Variants in PLCD1 observed in about 807,000 individuals in gnomAD.
PLCD1 encodes the protein 1-phosphatidylinositol 4,5-bisphosphate phosphodiesterase delta-1.
In PLCD1, 71 loss-of-function variants were observed where a neutral mutation model predicts 87.4. The ratio of observed to expected loss-of-function variants is 0.81; its 90% CI spans 0.67 to 0.99. The LOEUF (loss-of-function observed/expected upper bound fraction) is 0.99, where lower values mean the gene tolerates loss of function less well. Ranked by LOEUF, PLCD1 falls within the 50% of genes least tolerant of loss-of-function variation. The pLI is 0.00. For missense variants in PLCD1, 867 were observed against 1,001.5 expected (o/e 0.87, Z 1.81); for synonymous variants, 348 against 399.2 (o/e 0.87, Z 1.53).
intron 8 of PLCD1, 39 bp from the exon 9 acceptor site, chr3:38,009,850 G>T (rs781422366): frequency 3.1e-6 from 5 of 1,610,588 alleles, no homozygotes; most frequent in South Asian, 2.2e-5. Flanking sequence ...CACACCTAGC[G>T]CCCCGGCTAG....
At chr3:38,012,654 T>C (rs1162396163) in intron 3 of PLCD1, among the ~76,000 whole-genome samples, 1 of 151,798 alleles carries the variant, frequency 6.6e-6, no homozygotes, top group Non-Finnish European at 1.5e-5. Flanking sequence ...GGAGCTGGGA[T>C]TACAGGCGTA....
At chr3:38,022,904 C>T (rs945669818) in intron 1 of PLCD1, among the ~76,000 whole-genome samples, 9 of 151,734 alleles carry the variant, frequency 5.9e-5, no homozygotes, top group Non-Finnish European at 1.2e-4. Flanking sequence ...AAAGTAATCA[C>T]GGTTTTTGCT....
chr3:38,012,915 G>GT (rs1700103349), intron 3 of PLCD1, among the ~76,000 whole-genome samples: 1 of 150,322 alleles, frequency 6.7e-6, no homozygotes. Flanking sequence ...TATTTATTTG[G>GT]TTTTTTGAGA....
chr3:38,008,519 G>A lies in PLCD1; in HGVS notation c.1841C>T (p.Thr614Ile), dbSNP rs150434289. 4 of 1,614,204 alleles carry A rather than the reference G, an allele frequency of 2.5e-6. No individual in the cohort carries two copies. Among genetic ancestry groups the A allele is most frequent in the Non-Finnish European group, 3.4e-6 (4 of 1,180,024 alleles). The change falls in exon 12 of 15, where the codon ACC (threonine) becomes ATC (isoleucine). Residue 614 changes from threonine to isoleucine, a missense_variant. Coordinates refer to ENST00000334661, the MANE Select transcript of PLCD1 (RefSeq NM_006225.4). ...CTGAGCCAGGGCGCGGGGGTTAAAG[G>A]TGCCGTTGGGGTCTCGCAGGAAGGC... Reference protein sequence around the residue: ...KPAFLRDPNGTFNPRALAQGP... With the variant: ...KPAFLRDPNGIFNPRALAQGP...
Position 38,016,518 on chromosome 3 carries a change from G to C in PLCD1, c.401C>G (p.Ser134Cys). The C allele has an allele frequency of 1.2e-6, 2 of 1,613,814 alleles. No homozygotes were observed. Among genetic ancestry groups the C allele is most frequent in the Non-Finnish European group, 1.7e-6 (2 of 1,179,740 alleles). The change falls in exon 3 of 15, where the codon TCC becomes TGC. Residue 134 changes from serine (S) to cysteine (C), a missense_variant. By Grantham distance (112) the Ser-to-Cys change is moderately radical. Coordinates refer to ENST00000334661, the MANE Select transcript of PLCD1 (RefSeq NM_006225.4). ...CTGTAGCTTCTGACGCTGGTCCATGGAGCCTGAGTGGTGGATGATCTTGTG... is the reference window on the plus strand; with the variant it reads ...CTGTAGCTTCTGACGCTGGTCCATGCAGCCTGAGTGGTGGATGATCTTGTG... ...GLHKIIHHSG[S>C]MDQRQKLQHW...
At chr3:38,012,481 A>G (rs922804209) in intron 3 of PLCD1, among the ~76,000 whole-genome samples, 3 of 150,788 alleles carry the variant, frequency 2.0e-5, no homozygotes, top group Non-Finnish European at 4.4e-5. Context: ...ACCCATATAT[A>G]TACAATTTGG....
intron 11 of PLCD1, 89 bp from the exon 12 acceptor site, chr3:38,008,725 C>A: frequency 8.3e-7 from 1 of 1,211,202 alleles, no homozygotes; most frequent in South Asian, 1.2e-5. Context: ...GGCCTAGGGT[C>A]ACATGGTGAG....
chr3:38,025,999 C>T lies in PLCD1; in HGVS notation c.34+3507G>A, dbSNP rs1310716640. On this transcript the variant is annotated intron_variant, in intron 1 of 14. Coordinates refer to ENST00000334661, the MANE Select transcript of PLCD1 (RefSeq NM_006225.4). The surrounding 1 kb of genome is among the most constrained non-coding windows in gnomAD (Gnocchi z 4.0). ...TAAGGTCATATCAGAGAGAATAAATCATGAGCAAGGTGAGTAGATGGACAA... is the reference window on the plus strand; with the variant it reads ...TAAGGTCATATCAGAGAGAATAAATTATGAGCAAGGTGAGTAGATGGACAA... Among the ~76,000 whole-genome samples the T allele has an allele frequency of 6.6e-6, 1 of 152,188 alleles. No individual in the cohort carries two copies. Among genetic ancestry groups the T allele is most frequent in the Admixed American group, 6.5e-5 (1 of 15,276 alleles).
chr3:38,009,164 G>A lies in PLCD1; in HGVS notation c.1607-6C>T, dbSNP rs1293246683. 1 of 1,613,880 alleles carries A rather than the reference G, an allele frequency of 6.2e-7. No individual in the cohort carries two copies. The highest frequency in any genetic ancestry group is 8.5e-7 in the Non-Finnish European group (1 of 1,179,846). On this transcript the variant is annotated splice_region_variant and splice_polypyrimidine_tract_variant and intron_variant, in intron 10 of 14. Coordinates refer to ENST00000334661, the MANE Select transcript of PLCD1 (RefSeq NM_006225.4). ...GTGGCGGACAAAGCCGTTTCCTGAG[G>A]GGAGGTGTGGTTCGGTCAGCAGTGG...
At position 38,029,491 on chromosome 3, in the gene PLCD1, G is replaced by A. The variant is rs550609633; in HGVS notation, c.34+15C>T. ...CCCCTGCAGGGTCTCCCGCTCGCGC[G>A]GGCCAGGCACTCACCGTGCAGGGTC... On this transcript the variant is annotated intron_variant, in intron 1 of 14. Coordinates refer to ENST00000334661, the MANE Select transcript of PLCD1 (RefSeq NM_006225.4). The A allele has an allele frequency of 5.8e-6, 9 of 1,538,904 alleles. No homozygotes were observed. In the African/African-American group the frequency reaches 6.8e-5, roughly 12 times the overall value.
chr3:38,011,142 A>G, intron 5 of PLCD1, 72 bp downstream of exon 5: 2 of 1,202,644 alleles, frequency 1.7e-6, no homozygotes, highest in South Asian at 1.3e-5. Context: ...TTCTGGCTGC[A>G]GTCTCCCCAG....
At position 38,017,299 on chromosome 3, in the gene PLCD1, G is replaced by A. The variant is rs1700172926; in HGVS notation, c.200-580C>T. ...CCCAGCCCTGGGGTCTATGGGCAGA[G>A]GGCCGAAGACAGAGGGAGAAGCCCT... On this transcript the variant is annotated intron_variant, in intron 2 of 14. Coordinates refer to ENST00000334661, the MANE Select transcript of PLCD1 (RefSeq NM_006225.4). The surrounding 1 kb of genome is among the most constrained non-coding windows in gnomAD (Gnocchi z 4.7). Among the ~76,000 whole-genome samples the A allele has an allele frequency of 6.6e-6, 1 of 152,168 alleles. No homozygotes were observed. The highest frequency in any genetic ancestry group is 2.1e-4 in the South Asian group (1 of 4,832).
chr3:38,025,233 G>A lies in PLCD1; in HGVS notation c.34+4273C>T, dbSNP rs77547947. Among the ~76,000 whole-genome samples the A allele has an allele frequency of 0.12, 18,954 of 152,256 alleles. 1,535 individuals carry two copies. Among genetic ancestry groups the A allele is most frequent in the African/African-American group, 0.23 (9,487 of 41,520 alleles). On this transcript the variant is annotated intron_variant, in intron 1 of 14. Transcript: ENST00000334661. The surrounding 1 kb of genome is among the most constrained non-coding windows in gnomAD (Gnocchi z 4.0). ...GGTCCCTCGGCTTTGGAGGCGGTGC[G>A]GGGGCGGAGCCAGGGTCCGGGAGGC... is the stretch of plus-strand genomic sequence containing the variant.
At chr3:38,024,887 G>C in intron 1 of PLCD1, 1 of 375,120 alleles carries the variant, frequency 2.7e-6, no homozygotes, top group Non-Finnish European at 4.6e-6. Context: ...GTGGTGTCGA[G>C]GCGTGGGTGG....
At chr3:38,013,127 C>T (rs1348424087) in intron 3 of PLCD1, among the ~76,000 whole-genome samples, 1 of 151,314 alleles carries the variant, frequency 6.6e-6, no homozygotes. Context: ...TAAGCTCAAG[C>T]GATCCACCTG....
At position 38,018,093 on chromosome 3, in the gene PLCD1, G is replaced by A. The variant is rs1230161888; in HGVS notation, c.200-1374C>T. Among the ~76,000 whole-genome samples the A allele has an allele frequency of 6.6e-6, 1 of 152,228 alleles. No individual in the cohort carries two copies. The highest frequency in any genetic ancestry group is 1.5e-5 in the Non-Finnish European group (1 of 68,032). On this transcript the variant is annotated intron_variant, in intron 2 of 14. Coordinates refer to ENST00000334661, the MANE Select transcript of PLCD1 (RefSeq NM_006225.4). This position sits in a 1 kb window ranked among gnomAD's most constrained non-coding sequence, Gnocchi z 5.7. ...CTGGGAACCAGAGTCATGGGGGTGG[G>A]TAGTAGTGGCAGGATTGGGGAGACT...
At chr3:38,024,631 A>G (rs1700285121) in intron 1 of PLCD1, 1 of 1,519,662 alleles carries the variant, frequency 6.6e-7, no homozygotes, top group Non-Finnish European at 8.8e-7. Context: ...GGGCGGGACG[A>G]GAGGGAAATC....
intron 3 of PLCD1, among the ~76,000 whole-genome samples, chr3:38,015,294 T>C (rs1700138396): frequency 6.6e-6 from 1 of 152,230 alleles, no homozygotes; most frequent in Non-Finnish European, 1.5e-5. Flanking sequence ...ACAACATGGA[T>C]GAATATTGCA....
chr3:38,008,420 A>AGGTCCGT, intron 12 of PLCD1, 38 bp downstream of exon 12: 1 of 1,614,088 alleles, frequency 6.2e-7, no homozygotes, highest in South Asian at 1.1e-5. Context: ...CGGGGAAGGG[A>AGGTCCGT]GGTCCGTGGG....
Sources: gnomAD v4.1 joint callset for allele counts (sites outside exome capture counted in the v4.1 genomes callset) on GRCh38, gnomAD v4.1.1 for gene constraint, Gnocchi (gnomAD v3.1) non-coding constraint, MANE v1.5 for transcripts, NCBI Gene and HGNC (gene_info 2026-07-23, HGNC 2026-07-21) for gene names.